The following EDEM3 variants were observed in gnomAD, a reference collection of about 807,000 sequenced individuals.
EDEM3 encodes the protein ER degradation-enhancing alpha-mannosidase-like protein 3.
A neutral mutation model predicts 110.2 loss-of-function variants in EDEM3; 60 were observed. That is an observed-to-expected ratio of 0.54 (90% CI 0.44 to 0.67). EDEM3 has a LOEUF of 0.67. Ranked by LOEUF, EDEM3 falls within the 30% of genes least tolerant of loss-of-function variation. The pLI is 0.00. For missense variants in EDEM3, 996 were observed against 1,121.0 expected, an observed-to-expected ratio of 0.89 and a Z score of 1.59; for synonymous variants, 352 against 382.9, an observed-to-expected ratio of 0.92 and a Z score of 0.94.
At position 184,719,175 on chromosome 1, in the gene EDEM3, T is replaced by A. The variant is rs756252783; in HGVS notation, c.1148A>T (p.Asn383Ile). The change falls in exon 11 of 20, where the codon AAT (asparagine) becomes ATT (isoleucine). Residue 383 changes from asparagine (N) to isoleucine (I), a missense_variant. Asn to Ile is a moderately radical substitution (Grantham distance 149). Around this residue, in one of 5 missense-constraint regions of EDEM3, gnomAD observed 310 missense variants for 394.6 expected, o/e 0.79. Transcript: ENST00000318130. ...EMLYQVIKKH[N>I]FLPEAFTTDF... The stretch of plus-strand genomic sequence containing the variant: ...TTATTTGCTTACCTCTGGTAGAAAA[T>A]TGTGTTTTTTAATCACCTGATATAA... The A allele has an allele frequency of 3.2e-6, 5 of 1,566,780 alleles. No individual in the cohort carries two copies. The East Asian group carries it at 1.1e-4, about 35-fold the overall frequency.
At position 184,711,426 on chromosome 1, in the gene EDEM3, T is replaced by A. The variant is rs995524650; in HGVS notation, c.1691+297A>T. Among the ~76,000 whole-genome samples the A allele has an allele frequency of 5.9e-5, 9 of 152,166 alleles. 1 individual carries two copies. The highest frequency in any genetic ancestry group is 2.2e-4 in the African/African-American group (9 of 41,426). ...GAAAATATTCGATGAAACTATTCCA[T>A]GAAAAATGAGTTATAGAAGTTAAAA... On this transcript the variant is annotated intron_variant, in intron 15 of 19. Coordinates refer to ENST00000318130, the MANE Select transcript of EDEM3 (RefSeq NM_025191.4).
intron 13 of EDEM3, 87 bp downstream of exon 13, chr1:184,716,801 T>TA: frequency 1.3e-6 from 2 of 1,537,950 alleles, no homozygotes; most frequent in Non-Finnish European, 1.8e-6. Context: ...GTAAAAGAAT[T>TA]AAACTTATTT....
intron 9 of EDEM3, chr1:184,720,576 C>G (rs1650843520): frequency 6.8e-6 from 1 of 146,392 alleles, no homozygotes; most frequent in South Asian, 2.1e-4. Flanking sequence ...GTGGCGCGAT[C>G]TCGACTCACT....
At chr1:184,729,531 G>C (rs1006699716) in intron 6 of EDEM3, among the ~76,000 whole-genome samples, 2 of 152,110 alleles carry the variant, frequency 1.3e-5, no homozygotes, top group Non-Finnish European at 2.9e-5. Flanking sequence ...TTATATATGA[G>C]TTTAAAAAAT....
intron 19 of EDEM3, chr1:184,701,577 A>G (rs530431806): frequency 3.0e-5 from 38 of 1,248,952 alleles, no homozygotes; most frequent in African/African-American, 2.3e-4. Flanking sequence ...AAATAGGGGG[A>G]AAAAAAGCAA....
intron 2 of EDEM3, among the ~76,000 whole-genome samples, chr1:184,744,850 T>G (rs1652342168): frequency 6.6e-6 from 1 of 152,052 alleles, no homozygotes; most frequent in Non-Finnish European, 1.5e-5. Flanking sequence ...AAAAGCATCA[T>G]GCTAAATGAA....
chr1:184,748,102 A>G (rs1652534615), intron 2 of EDEM3, among the ~76,000 whole-genome samples: 1 of 152,180 alleles, frequency 6.6e-6, no homozygotes, highest in South Asian at 2.1e-4. Flanking sequence ...AACCAGGGAT[A>G]AATGATTTTG....
At chr1:184,723,670 T>C in intron 8 of EDEM3, 81 bp downstream of exon 8, 2 of 1,105,846 alleles carry the variant, frequency 1.8e-6, no homozygotes, top group Non-Finnish European at 2.6e-6. Flanking sequence ...TCCCAAAGAT[T>C]ATTTTAACAA....
chr1:184,749,615 GGA>G (rs1558075197), intron 1 of EDEM3, 23 bp from the exon 2 acceptor site: 16 of 1,086,084 alleles, frequency 1.5e-5, no homozygotes, highest in Admixed American at 3.9e-5. Context: ...GAGCAGAAAT[GGA>G]AAAAAAAAAA....
chr1:184,706,001 C>T (rs1217909983), intron 18 of EDEM3, among the ~76,000 whole-genome samples: 2 of 152,122 alleles, frequency 1.3e-5, no homozygotes, highest in South Asian at 2.1e-4. Context: ...GCTAGCAATA[C>T]TGTAAACCCT....
At chr1:184,744,320 T>C (rs1244246715) in intron 2 of EDEM3, among the ~76,000 whole-genome samples, 2 of 138,756 alleles carry the variant, frequency 1.4e-5, no homozygotes, top group Admixed American at 1.5e-4. Context: ...TATGGGAAAA[T>C]TTTCAATGTC....
intron 6 of EDEM3, among the ~76,000 whole-genome samples, chr1:184,726,698 G>C (rs1558059596): frequency 6.6e-6 from 1 of 152,134 alleles, no homozygotes; most frequent in Non-Finnish European, 1.5e-5. Flanking sequence ...CACAGAGAAG[G>C]TATCTTTTAT....
intron 2 of EDEM3, among the ~76,000 whole-genome samples, chr1:184,743,252 A>G (rs1233236265): frequency 6.6e-6 from 1 of 152,216 alleles, no homozygotes. Context: ...AGAGCAATGC[A>G]TACGTGGCAA....
rs1004514311 is a variant in EDEM3 at position 184,691,075 on chromosome 1, T to G, written c.*2988A>C. 1.3e-5 allele frequency: 2 copies of G among 152,558 alleles called. No homozygotes were observed. Among genetic ancestry groups the G allele is most frequent in the African/African-American group, 4.8e-5 (2 of 41,460 alleles). 9.5% of individuals were successfully genotyped at this position (152,558 alleles called of 1,614,324 possible). A position where few individuals can be genotyped will look rare whatever the true frequency, so the allele number is the denominator to read the frequency against. The stretch of plus-strand genomic sequence containing the variant: ...TCAGAAAGTGTACAATTTTTCTTTT[T>G]ACTAATACTGTAAAGAAAAAGGGAG... On this transcript the variant is annotated 3_prime_UTR_variant, in exon 20 of 20. Transcript: ENST00000318130.
intron 4 of EDEM3, among the ~76,000 whole-genome samples, chr1:184,734,916 A>G (rs1651738961): frequency 2.0e-5 from 3 of 152,224 alleles, no homozygotes; most frequent in Admixed American, 1.3e-4. Flanking sequence ...CTGGATTCTT[A>G]ATGACCCAGG....
At chr1:184,741,153 T>C (rs1652114424) in intron 2 of EDEM3, among the ~76,000 whole-genome samples, 1 of 152,116 alleles carries the variant, frequency 6.6e-6, no homozygotes, top group Non-Finnish European at 1.5e-5. Context: ...ATCCCAGCAC[T>C]TTGGGAGGCC....
At chr1:184,717,472 T>C (rs1650614581) in intron 12 of EDEM3, 68 bp downstream of exon 12, 1 of 1,310,920 alleles carries the variant, frequency 7.6e-7, no homozygotes, top group Admixed American at 2.1e-5. Context: ...ATTACTATTA[T>C]GAAAGAATGA....
chr1:184,738,009 C>T (rs886752269), intron 2 of EDEM3, among the ~76,000 whole-genome samples: 2 of 152,114 alleles, frequency 1.3e-5, no homozygotes, highest in African/African-American at 4.8e-5. Context: ...CCAGATTTAT[C>T]CCACATACAT....
intron 19 of EDEM3, among the ~76,000 whole-genome samples, chr1:184,695,284 T>C (rs559805048): frequency 1.3e-5 from 2 of 152,152 alleles, no homozygotes; most frequent in Admixed American, 1.3e-4. Flanking sequence ...ATTTGCATAG[T>C]GCTAGGGATA....
Sources: allele counts gnomAD v4.1 joint callset (sites outside exome capture counted in the v4.1 genomes callset), GRCh38; gene constraint gnomAD v4.1.1; regional missense constraint gnomAD v4.1.1; transcripts MANE v1.5; gene names NCBI Gene and HGNC (gene_info 2026-07-23, HGNC 2026-07-21).